Variants in ARHGEF10 observed in about 807,000 individuals in gnomAD.
ARHGEF10 encodes the protein Rho guanine nucleotide exchange factor (GEF) 10.
ARHGEF10 carries 140 observed loss-of-function variants against 147.4 expected under a neutral mutation model. The observed-to-expected ratio is 0.95, with a 90% CI of 0.83 to 1.09. The LOEUF (loss-of-function observed/expected upper bound fraction) is 1.09. ARHGEF10 is among the 50% of genes least tolerant of loss of function. ARHGEF10 has a pLI of 0.00. For synonymous variants in ARHGEF10, 902 were observed against 695.8 expected (o/e 1.30, Z -4.67); for missense variants, 2,222 against 1,752.7 (o/e 1.27, Z -4.78).
intron 18 of ARHGEF10, among the ~76,000 whole-genome samples, chr8:1,913,805 A>G (rs11995882): frequency 0.15 from 22,435 of 152,196 alleles, 1,761 homozygotes; most frequent in Middle Eastern, 0.17. Context: ...TGTACAGTTG[A>G]GCTGGATATG....
At chr8:1,844,270 C>T (rs1462183530) in intron 2 of ARHGEF10, among the ~76,000 whole-genome samples, 1 of 151,580 alleles carries the variant, frequency 6.6e-6, no homozygotes, top group Non-Finnish European at 1.5e-5. Context: ...ACTCTGGGCC[C>T]TCAGAGATTG....
At chr8:1,950,501 C>T (rs1472024168) in intron 27 of ARHGEF10, among the ~76,000 whole-genome samples, 1 of 152,044 alleles carries the variant, frequency 6.6e-6, no homozygotes, top group Non-Finnish European at 1.5e-5. Context: ...CGGGTTTCTA[C>T]CTGCTTTTAC....
Position 1,837,194 on chromosome 8 carries a change from C to T in ARHGEF10, c.-47-6159C>T, listed in dbSNP as rs531394513. On this transcript the variant is annotated intron_variant, in intron 1 of 28. Transcript: ENST00000349830. ...CAGGATGCCGGTGGTAGGGCAAGGC[C>T]TGGGCCAGAATCTGACAGTTGCTTC... is the stretch of plus-strand genomic sequence containing the variant. 2.2e-4 allele frequency among the ~76,000 whole-genome samples: 33 copies of T among 152,344 alleles called. No homozygotes were observed. The South Asian group carries it at 6.4e-3, about 30-fold the overall frequency.
intron 15 of ARHGEF10, among the ~76,000 whole-genome samples, chr8:1,901,150 T>C (rs1810421548): frequency 6.6e-6 from 1 of 152,084 alleles, no homozygotes; most frequent in Non-Finnish European, 1.5e-5. Flanking sequence ...GTGTGGGTAC[T>C]CAGGGCACCC....
At chr8:1,864,316 C>A in intron 4 of ARHGEF10, 57 bp from the exon 5 acceptor site, 1 of 1,556,802 alleles carries the variant, frequency 6.4e-7, no homozygotes, top group Non-Finnish European at 8.9e-7. Context: ...AAAACATCAA[C>A]TTCATGAGCA....
At chr8:1,834,013 G>A (rs954312958) in intron 1 of ARHGEF10, among the ~76,000 whole-genome samples, 5 of 152,198 alleles carry the variant, frequency 3.3e-5, no homozygotes, top group Admixed American at 6.5e-5. Context: ...CAGCCCTCCC[G>A]GGGAAGGGTA....
chr8:1,891,254 C>T (rs1420921849), intron 11 of ARHGEF10, among the ~76,000 whole-genome samples: 6 of 152,102 alleles, frequency 3.9e-5, no homozygotes, highest in Admixed American at 3.9e-4. Flanking sequence ...TTTTGTTTTC[C>T]TCCTGCCAAA....
chr8:1,904,673 C>T (rs568799095), intron 16 of ARHGEF10, among the ~76,000 whole-genome samples: 3 of 152,270 alleles, frequency 2.0e-5, no homozygotes, highest in South Asian at 2.1e-4. Flanking sequence ...GAATGTCACC[C>T]ACATGCCTCA....
chr8:1,924,859 G>A (rs1585559955), intron 21 of ARHGEF10, among the ~76,000 whole-genome samples: 1 of 152,170 alleles, frequency 6.6e-6, no homozygotes, highest in Non-Finnish European at 1.5e-5. Flanking sequence ...TCTCCATTTT[G>A]TTGTACTTTT....
At chr8:1,827,838 T>C (rs934936422) in intron 1 of ARHGEF10, among the ~76,000 whole-genome samples, 2 of 152,146 alleles carry the variant, frequency 1.3e-5, no homozygotes, top group Non-Finnish European at 1.5e-5. Flanking sequence ...GGGAAATAAC[T>C]GTGTAAAGTA....
At chr8:1,938,708 G>A (rs1355477018) in intron 26 of ARHGEF10, among the ~76,000 whole-genome samples, 2 of 152,166 alleles carry the variant, frequency 1.3e-5, no homozygotes, top group East Asian at 3.9e-4. Context: ...GGCTGAGGCA[G>A]GAGGACTGCT....
At chr8:1,909,216 T>C in intron 17 of ARHGEF10, 79 bp from the exon 18 acceptor site, 1 of 1,590,702 alleles carries the variant, frequency 6.3e-7, no homozygotes, top group Non-Finnish European at 8.6e-7. Flanking sequence ...AGTTTCTCAC[T>C]TGAACATCTG....
intron 2 of ARHGEF10, among the ~76,000 whole-genome samples, chr8:1,848,543 TTGTATTCACTATTAAA>T (rs1232073039): frequency 6.6e-6 from 1 of 152,226 alleles, no homozygotes; most frequent in Non-Finnish European, 1.5e-5. Flanking sequence ...TCAGTGAATG[TTGTATTCACTATTAAA>T]TGTATTCACT....
intron 10 of ARHGEF10, 82 bp from the exon 11 acceptor site, chr8:1,885,519 T>C (rs1808579664): frequency 1.0e-6 from 1 of 995,104 alleles, no homozygotes; most frequent in Non-Finnish European, 1.6e-6. Context: ...AAAATATTTA[T>C]TTGACTTTTT....
intron 1 of ARHGEF10, among the ~76,000 whole-genome samples, chr8:1,830,567 C>A (rs772962986): frequency 1.3e-5 from 2 of 152,134 alleles, no homozygotes; most frequent in Non-Finnish European, 2.9e-5. Context: ...CTGGAAATGA[C>A]CTATTAAGAG....
intron 19 of ARHGEF10, 71 bp from the exon 20 acceptor site, chr8:1,923,397 C>G (rs1812446262): frequency 6.3e-7 from 1 of 1,599,756 alleles, no homozygotes; most frequent in Non-Finnish European, 8.5e-7. Flanking sequence ...AAAATTGTGT[C>G]TTTTTATCTT....
intron 11 of ARHGEF10, among the ~76,000 whole-genome samples, chr8:1,889,986 GAT>G (rs1809320646): frequency 6.8e-6 from 1 of 147,112 alleles, no homozygotes; most frequent in African/African-American, 2.6e-5. Context: ...GACACTGAGT[GAT>G]GTGAGCAATC....
At chr8:1,825,602 A>G (rs1480866927) in intron 1 of ARHGEF10, among the ~76,000 whole-genome samples, 1 of 151,384 alleles carries the variant, frequency 6.6e-6, no homozygotes, top group African/African-American at 2.4e-5. Flanking sequence ...CGCCCTGCCC[A>G]CCTGTCCCAG....
chr8:1,853,151 C>T (rs931922183), intron 2 of ARHGEF10, among the ~76,000 whole-genome samples: 4 of 152,194 alleles, frequency 2.6e-5, no homozygotes, highest in African/African-American at 9.7e-5. Flanking sequence ...GTCTGTGTTT[C>T]CTCCTCCGTG....
Sources: allele counts gnomAD v4.1 joint callset (sites outside exome capture counted in the v4.1 genomes callset), GRCh38; gene constraint gnomAD v4.1.1; transcripts MANE v1.5; gene names NCBI Gene and HGNC (gene_info 2026-07-23, HGNC 2026-07-21).